PLSCR2: variants seen among roughly 807,000 people sequenced by gnomAD.
PLSCR2 encodes PL scramblase 2.
A neutral mutation model predicts 25.3 loss-of-function variants in PLSCR2; 18 were observed. That is an observed-to-expected ratio of 0.71 (90% CI 0.49 to 1.06). The LOEUF (loss-of-function observed/expected upper bound fraction) is 1.06. Among genes scored for constraint, PLSCR2 ranks in the 50% least tolerant of loss-of-function variants. The pLI, the probability that PLSCR2 is intolerant of heterozygous loss-of-function variation, is 0.00. For missense variants in PLSCR2, 243 were observed against 269.5 expected (o/e 0.90, Z 0.69); for synonymous variants, 88 against 87.3 (o/e 1.01, Z -0.04).
chr3:146,463,022 T>C (rs2041688716), upstream of PLSCR2, among the ~76,000 whole-genome samples: 1 of 152,194 alleles, frequency 6.6e-6, no homozygotes, highest in South Asian at 2.1e-4. Context: ...TCAGGTCCTG[T>C]GGCCCTGTCA....
At chr3:146,415,431 C>T (rs1308241482) in intron 2 of PLSCR2, among the ~76,000 whole-genome samples, 1 of 151,780 alleles carries the variant, frequency 6.6e-6, no homozygotes, top group East Asian at 1.9e-4. Context: ...TTAACATACT[C>T]AATAATTTGG....
At chr3:146,444,997 T>A (rs1232764516) in intron 6 of PLSCR2, among the ~76,000 whole-genome samples, 1 of 152,122 alleles carries the variant, frequency 6.6e-6, no homozygotes, top group Non-Finnish European at 1.5e-5. Flanking sequence ...TTTAAACTCA[T>A]GGAAACTTAA....
At chr3:146,414,591 G>T (rs897029739) in intron 2 of PLSCR2, among the ~76,000 whole-genome samples, 2 of 118,342 alleles carry the variant, frequency 1.7e-5, no homozygotes, top group African/African-American at 5.8e-5. Context: ...GAAAGGCAAT[G>T]ATAGTATTTT....
chr3:146,444,630 T>A (rs1270858310), intron 6 of PLSCR2, among the ~76,000 whole-genome samples: 2 of 151,990 alleles, frequency 1.3e-5, no homozygotes, highest in African/African-American at 4.8e-5. Context: ...TTATTTTCAG[T>A]CTATGCGTGT....
At chr3:146,451,059 A>G (rs1376178601) in intron 5 of PLSCR2, among the ~76,000 whole-genome samples, 2 of 150,688 alleles carry the variant, frequency 1.3e-5, no homozygotes, top group African/African-American at 4.9e-5. Flanking sequence ...ACCTCTGGAA[A>G]TAATACGTTG....
At chr3:146,472,069 G>T (rs1009745741) in intron 1 of PLSCR2, among the ~76,000 whole-genome samples, 1 of 152,158 alleles carries the variant, frequency 6.6e-6, no homozygotes, top group African/African-American at 2.4e-5. Context: ...TTTCCAAGCA[G>T]TTGGGAATGT....
chr3:146,474,321 C>T (rs182221056), intron 1 of PLSCR2, among the ~76,000 whole-genome samples: 8 of 152,232 alleles, frequency 5.3e-5, no homozygotes, highest in East Asian at 1.9e-4. Context: ...AAGATTTCCA[C>T]GGCACCAAGG....
At chr3:146,419,797 T>G (rs1056616375) in intron 2 of PLSCR2, among the ~76,000 whole-genome samples, 2 of 152,108 alleles carry the variant, frequency 1.3e-5, no homozygotes, top group Non-Finnish European at 2.9e-5. Flanking sequence ...TCTGCCTTTG[T>G]CCTATAAGGT....
At position 146,405,795 on chromosome 3, in the gene PLSCR2, G is replaced by C. The variant is rs771069543; in HGVS notation, c.101-9874C>G. Among the ~76,000 whole-genome samples the C allele has an allele frequency of 1.1e-4, 17 of 152,162 alleles. 1 individual carries two copies. The highest frequency in any genetic ancestry group is 2.1e-4 in the Non-Finnish European group (14 of 68,038). ...CATGAGTTCCAGTTGAACATGCTTT[G>C]ATACCAGGGGATGTTATTTTCTTGT... On this transcript the variant is annotated intron_variant and NMD_transcript_variant, in intron 2 of 3. Coordinates refer to the PLSCR2 transcript ENST00000463633.
At chr3:146,490,738 G>A (rs1353250205) in intron 1 of PLSCR2, among the ~76,000 whole-genome samples, 1 of 152,104 alleles carries the variant, frequency 6.6e-6, no homozygotes, top group African/African-American at 2.4e-5. Context: ...GCTTGTGGGT[G>A]TCATTACAGT....
chr3:146,475,738 T>G (rs2042263933), intron 1 of PLSCR2, among the ~76,000 whole-genome samples: 1 of 152,238 alleles, frequency 6.6e-6, no homozygotes, highest in Admixed American at 6.5e-5. Flanking sequence ...AGGTCCTTTT[T>G]GTGTTTGGGG....
chr3:146,395,431 G>A (rs1474088138), intron 3 of PLSCR2, among the ~76,000 whole-genome samples: 1 of 152,102 alleles, frequency 6.6e-6, no homozygotes, highest in East Asian at 1.9e-4. Context: ...TAAATAAAGT[G>A]TAACAAGCAT....
intron 1 of PLSCR2, among the ~76,000 whole-genome samples, chr3:146,478,550 G>A (rs946981245): frequency 6.6e-6 from 1 of 152,088 alleles, no homozygotes; most frequent in African/African-American, 2.4e-5. Flanking sequence ...AGAAAAAAGA[G>A]TAAAAAGAAA....
chr3:146,472,181 G>T (rs2042139870), intron 1 of PLSCR2, among the ~76,000 whole-genome samples: 2 of 152,266 alleles, frequency 1.3e-5, no homozygotes, highest in African/African-American at 4.8e-5. Flanking sequence ...ATGACCTTCT[G>T]GTTCACAGCC....
At chr3:146,395,167 T>A (rs1248808988) in intron 3 of PLSCR2, among the ~76,000 whole-genome samples, 1 of 152,154 alleles carries the variant, frequency 6.6e-6, no homozygotes, top group African/African-American at 2.4e-5. Flanking sequence ...AGAGGGATCA[T>A]CTAAAGTTCA....
intron 6 of PLSCR2, among the ~76,000 whole-genome samples, chr3:146,446,649 A>G (rs1235137462): frequency 6.6e-6 from 1 of 152,128 alleles, no homozygotes; most frequent in Non-Finnish European, 1.5e-5. Flanking sequence ...TGCAATGACC[A>G]CTATCTGGCT....
At chr3:146,481,236 A>G (rs967397220) in intron 1 of PLSCR2, among the ~76,000 whole-genome samples, 1 of 152,188 alleles carries the variant, frequency 6.6e-6, no homozygotes, top group African/African-American at 2.4e-5. Context: ...TGGCCAGGGC[A>G]ATCAGGCAAG....
intron 2 of PLSCR2, among the ~76,000 whole-genome samples, chr3:146,422,818 T>C (rs527466400): frequency 6.6e-6 from 1 of 152,080 alleles, no homozygotes; most frequent in Non-Finnish European, 1.5e-5. Context: ...TCTAAATTAC[T>C]CTTCACTTCA....
chr3:146,455,068 T>A (rs1486744004), intron 4 of PLSCR2, among the ~76,000 whole-genome samples, 171 bp downstream of exon 4: 3 of 152,208 alleles, frequency 2.0e-5, no homozygotes, highest in Non-Finnish European at 2.9e-5. Flanking sequence ...CGAGGCTAAC[T>A]ATTCCCTGTT....
Sources: gnomAD v4.1 joint callset for allele counts (sites outside exome capture counted in the v4.1 genomes callset) on GRCh38, gnomAD v4.1.1 for gene constraint, MANE v1.5 for transcripts, NCBI Gene and HGNC (gene_info 2026-07-23, HGNC 2026-07-21) for gene names.